Variants in FHIT observed in about 807,000 individuals in gnomAD.
FHIT encodes fragile histidine triad diadenosine triphosphatase.
FHIT carries 19 observed loss-of-function variants against 17.9 expected under a neutral mutation model. That is an observed-to-expected ratio of 1.06 (90% CI 0.74 to 1.56). FHIT has a LOEUF of 1.56. Among genes scored for constraint, FHIT ranks in the 40% most tolerant of loss-of-function variants. FHIT has a pLI of 0.00. For missense variants in FHIT, 248 were observed against 189.2 expected (o/e 1.31, Z -1.82); for synonymous variants, 81 against 69.7 (o/e 1.16, Z -0.81).
intron 5 of FHIT, among the ~76,000 whole-genome samples, chr3:60,448,562 T>C (rs866698033): frequency 6.6e-6 from 1 of 151,564 alleles, no homozygotes; most frequent in East Asian, 1.9e-4. Context: ...AAGCAGAGAG[T>C]GGGTAAGTAA....
chr3:60,119,773 C>T (rs183112837), intron 5 of FHIT, among the ~76,000 whole-genome samples: 1 of 152,258 alleles, frequency 6.6e-6, no homozygotes, highest in African/African-American at 2.4e-5. Flanking sequence ...AGTTTTAAAA[C>T]TTCAACCGTC....
chr3:61,173,558 A>G (rs1173568948), intron 2 of FHIT, among the ~76,000 whole-genome samples: 1 of 152,246 alleles, frequency 6.6e-6, no homozygotes, highest in Non-Finnish European at 1.5e-5. Flanking sequence ...CAGTCCATCA[A>G]AACTCTGGGG....
chr3:60,911,339 G>A (rs1448795292), intron 3 of FHIT, among the ~76,000 whole-genome samples: 6 of 149,590 alleles, frequency 4.0e-5, no homozygotes, highest in Admixed American at 2.7e-4. Context: ...ATACTTATTC[G>A]CCACTGAGAG....
chr3:60,124,980 G>GT (rs1705474943), intron 5 of FHIT, among the ~76,000 whole-genome samples: 1 of 152,194 alleles, frequency 6.6e-6, no homozygotes, highest in African/African-American at 2.4e-5. Flanking sequence ...CTCTATTTTA[G>GT]TAAGTTCCCA....
At chr3:59,947,902 G>C (rs1706896014) in intron 7 of FHIT, among the ~76,000 whole-genome samples, 1 of 152,152 alleles carries the variant, frequency 6.6e-6, no homozygotes, top group African/African-American at 2.4e-5. Context: ...TATATTATCT[G>C]ACCTTTTAAA....
At chr3:61,015,036 C>A (rs1015109289) in intron 3 of FHIT, among the ~76,000 whole-genome samples, 1 of 151,556 alleles carries the variant, frequency 6.6e-6, no homozygotes, top group Non-Finnish European at 1.5e-5. Flanking sequence ...AGATAAGGTA[C>A]TTTTCCTGAA....
chr3:59,961,777 G>T (rs142836534), intron 7 of FHIT, among the ~76,000 whole-genome samples: 2,087 of 152,302 alleles, frequency 0.014, 41 homozygotes, highest in African/African-American at 0.046. Flanking sequence ...GATGAGCCAG[G>T]TACCTCAGTT....
At chr3:60,722,372 G>A (rs1264441356) in intron 4 of FHIT, among the ~76,000 whole-genome samples, 1 of 152,180 alleles carries the variant, frequency 6.6e-6, no homozygotes, top group African/African-American at 2.4e-5. Flanking sequence ...CAGGAGTTGG[G>A]GCAGGCATAA....
chr3:60,793,344 C>A (rs1700854682), intron 4 of FHIT, among the ~76,000 whole-genome samples: 2 of 151,728 alleles, frequency 1.3e-5, no homozygotes, highest in African/African-American at 4.8e-5. Flanking sequence ...CTCTGTCGCC[C>A]AGGCTGGAGT....
At chr3:59,863,717 T>C (rs923370624) in intron 8 of FHIT, among the ~76,000 whole-genome samples, 1 of 152,200 alleles carries the variant, frequency 6.6e-6, no homozygotes, top group African/African-American at 2.4e-5. Flanking sequence ...AAGGGTCTGT[T>C]CTTCTGAAGT....
intron 4 of FHIT, among the ~76,000 whole-genome samples, chr3:60,710,968 T>A (rs2041511794): frequency 6.6e-6 from 1 of 152,106 alleles, no homozygotes; most frequent in African/African-American, 2.4e-5. Context: ...GCAGACTGCC[T>A]CCTCAAGTGG....
intron 8 of FHIT, among the ~76,000 whole-genome samples, chr3:59,911,049 T>G (rs938722525): frequency 6.6e-6 from 1 of 152,216 alleles, no homozygotes; most frequent in Non-Finnish European, 1.5e-5. Flanking sequence ...CTCTCCAGTT[T>G]CCCATTTTTA....
At position 60,610,224 on chromosome 3, in the gene FHIT, G is replaced by T. The variant is rs1182825739; in HGVS notation, c.-17-73245C>A. On this transcript the variant is annotated intron_variant, in intron 4 of 9. Transcript: ENST00000492590. ...AAAAAATGCCTTTTTATTGCCAAGG[G>T]TAAGTTATGTGATAAGTTTCCAGAT... Among the ~76,000 whole-genome samples the T allele has an allele frequency of 5.3e-5, 8 of 152,124 alleles. 1 individual carries two copies. Among genetic ancestry groups the T allele is most frequent in the Admixed American group, 5.2e-4 (8 of 15,268 alleles).
chr3:60,418,370 ATGTGTG>A (rs59887101), intron 5 of FHIT, among the ~76,000 whole-genome samples: 5 of 108,986 alleles, frequency 4.6e-5, no homozygotes, highest in Non-Finnish European at 5.3e-5. Flanking sequence ...ATGTATCTGA[ATGTGTG>A]TATATATATA....
intron 4 of FHIT, among the ~76,000 whole-genome samples, chr3:60,567,270 C>G (rs1160114342): frequency 6.6e-6 from 1 of 152,016 alleles, no homozygotes; most frequent in African/African-American, 2.4e-5. Flanking sequence ...AGATATAGAT[C>G]AATGGAACAG....
At chr3:60,412,037 T>A (rs1463012362) in intron 5 of FHIT, among the ~76,000 whole-genome samples, 1 of 152,068 alleles carries the variant, frequency 6.6e-6, no homozygotes, top group Non-Finnish European at 1.5e-5. Context: ...ACCTGTATTA[T>A]CTTCAGAGAA....
chr3:60,234,537 G>C (rs535368981), intron 5 of FHIT, among the ~76,000 whole-genome samples: 2 of 152,090 alleles, frequency 1.3e-5, no homozygotes, highest in African/African-American at 4.8e-5. Flanking sequence ...GCTATATCTC[G>C]AGCAGGAGAT....
chr3:60,688,697 G>A (rs782279052), intron 4 of FHIT, among the ~76,000 whole-genome samples: 3 of 152,058 alleles, frequency 2.0e-5, no homozygotes, highest in Non-Finnish European at 2.9e-5. Context: ...CTCCCAAAGT[G>A]CTGGGATTAC....
At chr3:60,568,076 A>T (rs1021000934) in intron 4 of FHIT, among the ~76,000 whole-genome samples, 4 of 152,208 alleles carry the variant, frequency 2.6e-5, no homozygotes, top group African/African-American at 9.6e-5. Flanking sequence ...TGAACTAGAA[A>T]TGCCATTTGG....
Sources: gnomAD v4.1 joint callset for allele counts (sites outside exome capture counted in the v4.1 genomes callset) on GRCh38, gnomAD v4.1.1 for gene constraint, MANE v1.5 for transcripts, NCBI Gene and HGNC (gene_info 2026-07-23, HGNC 2026-07-21) for gene names.